Variants in DYSF observed in about 807,000 individuals in gnomAD.
The protein encoded by DYSF is dysferlin.
A neutral mutation model predicts 274.9 loss-of-function variants in DYSF; 212 were observed. That is an observed-to-expected ratio of 0.77 (90% CI 0.69 to 0.86). The LOEUF (loss-of-function observed/expected upper bound fraction) is 0.86. Among genes scored for constraint, DYSF ranks in the 40% least tolerant of loss-of-function variants. The probability of loss-of-function intolerance (pLI) is 0.00; values close to 1 mark genes in which losing one functional copy is unlikely to be tolerated. For missense variants in DYSF, 2,666 were observed against 2,783.2 expected (o/e 0.96, Z 0.95); for synonymous variants, 1,091 against 1,078.7 (o/e 1.01, Z -0.22).
intron 3 of DYSF, among the ~76,000 whole-genome samples, chr2:71,494,039 T>G (rs80064280): frequency 0.025 from 3,812 of 152,276 alleles, 87 homozygotes; most frequent in Non-Finnish European, 0.04. Flanking sequence ...AGAAGTGTTT[T>G]TTGAGTAAGG....
intron 24 of DYSF, among the ~76,000 whole-genome samples, chr2:71,566,212 G>T (rs2092093859): frequency 6.6e-6 from 1 of 150,564 alleles, no homozygotes; most frequent in African/African-American, 2.4e-5. Flanking sequence ...AAGGCGGTCT[G>T]CGAGAGTGGC....
rs370866476 is a variant in DYSF, at chr2:71,667,447, C to T, written c.5389C>T (p.Gln1797Ter). 2.5e-6 allele frequency: 4 copies of T among 1,614,130 alleles called. No individual in the cohort carries two copies. In the Admixed American group the frequency reaches 5.0e-5, roughly 20 times the overall value. ...ERLALHVLQQ[Q>*]GLVPEHVESR... ...TCTGGCTCTGCATGTGCTTCAGCAG[C>T]AGGGCCTGGTCCCGGAGCACGTGGA... The change falls in exon 48 of 56, where the codon CAG becomes TAG. Residue 1797 changes from glutamine (Q) to a stop codon, truncating the protein, a stop_gained. Transcript: ENST00000410020. LOFTEE classifies it high-confidence loss of function.
At chr2:71,526,019 A>C (rs578046176) in intron 12 of DYSF, among the ~76,000 whole-genome samples, 100 of 152,310 alleles carry the variant, frequency 6.6e-4, no homozygotes, top group African/African-American at 2.3e-3. Flanking sequence ...GGTCAGTATC[A>C]TGGTCTCTGC....
chr2:71,481,580 TG>T (rs1355299264), intron 2 of DYSF, among the ~76,000 whole-genome samples: 2 of 152,230 alleles, frequency 1.3e-5, no homozygotes, highest in Non-Finnish European at 2.9e-5. Flanking sequence ...CTTGGCTTCC[TG>T]GGGATGGGTT....
intron 26 of DYSF, among the ~76,000 whole-genome samples, chr2:71,568,904 G>A (rs112085349): frequency 4.4e-4 from 66 of 148,548 alleles, no homozygotes; most frequent in African/African-American, 1.6e-3. Context: ...ACGGAGTCTC[G>A]CTCGGTCGCC....
At chr2:71,671,255 A>G (rs760002659) in intron 51 of DYSF, among the ~76,000 whole-genome samples, 1 of 152,214 alleles carries the variant, frequency 6.6e-6, no homozygotes, top group Non-Finnish European at 1.5e-5. Context: ...ATTGAGCAAC[A>G]GGGTTCTGGG....
intron 36 of DYSF, chr2:71,610,945 A>G (rs578189357): frequency 1.8e-5 from 8 of 446,626 alleles, no homozygotes; most frequent in South Asian, 1.6e-4. Context: ...GCAGACCCGG[A>G]GCAGCTCAGG....
Position 71,528,321 on chromosome 2 carries a change from G to A in DYSF, c.1300G>A (p.Val434Met), listed in dbSNP as rs1351603217. 11 of 1,614,002 alleles carry A rather than the reference G, an allele frequency of 6.8e-6. No individual in the cohort carries two copies. In the East Asian group the frequency reaches 1.1e-4, roughly 16 times the overall value. Residue 434 changes from valine to methionine, a missense_variant, in exon 14 of 56, where the codon GTG (valine) becomes ATG (methionine). Around this residue, in one of 3 missense-constraint regions of DYSF, gnomAD observed 794 missense variants for 777.1 expected, o/e 1.02. Transcript: ENST00000410020. Reference protein sequence around the residue: ...PQMDDAVMDNVKQIFGFESNK... With the variant: ...PQMDDAVMDNMKQIFGFESNK... ...AGTGGACGATGCCGTGATGGACAACGTGAAACAGATCTTTGGCTTCGAGAG... is the reference window on the plus strand; with the variant it reads ...AGTGGACGATGCCGTGATGGACAACATGAAACAGATCTTTGGCTTCGAGAG...
At chr2:71,604,647 AG>A (rs1468529762) in intron 36 of DYSF, among the ~76,000 whole-genome samples, 1 of 152,204 alleles carries the variant, frequency 6.6e-6, no homozygotes, top group East Asian at 1.9e-4. Flanking sequence ...GAGACAGGCC[AG>A]TAGGAACGGA....
intron 47 of DYSF, among the ~76,000 whole-genome samples, chr2:71,665,516 A>G (rs1267846920): frequency 6.6e-6 from 1 of 152,192 alleles, no homozygotes; most frequent in East Asian, 1.9e-4. Context: ...ATTAGAGGTC[A>G]GGGCACAGCC....
At position 71,551,064 on chromosome 2, in the gene DYSF, C is replaced by T. The variant is rs1390905887; in HGVS notation, c.1600C>T (p.Pro534Ser). 3 of 1,614,124 alleles carry T rather than the reference C, an allele frequency of 1.9e-6. No homozygotes were observed. The highest frequency in any genetic ancestry group is 2.5e-6 in the Non-Finnish European group (3 of 1,179,994). ...IEVDDYLGFL[P>S]TFGPCYINLY... is the part of the protein sequence containing the mutation. ...AGTGGATGACTACCTGGGCTTCCTC[C>T]CCACTTTTGGGCCCTGCTACATCAA... is the stretch of plus-strand genomic sequence containing the variant. Residue 534 changes from proline to serine, a missense_variant, in exon 18 of 56, where the codon CCC becomes TCC. By Grantham distance (74) the Pro-to-Ser change is moderately conservative. Around this residue, in one of 3 missense-constraint regions of DYSF, gnomAD observed 794 missense variants for 777.1 expected, o/e 1.02. Coordinates refer to ENST00000410020, the MANE Select transcript of DYSF (RefSeq NM_001130987.2).
intron 3 of DYSF, among the ~76,000 whole-genome samples, chr2:71,493,116 T>A (rs949846319): frequency 6.6e-6 from 1 of 152,158 alleles, no homozygotes; most frequent in Non-Finnish European, 1.5e-5. Context: ...CTTGAACTCC[T>A]AGGATCAAGG....
At chr2:71,474,827 A>T (rs751724150) in intron 1 of DYSF, among the ~76,000 whole-genome samples, 1 of 152,206 alleles carries the variant, frequency 6.6e-6, no homozygotes, top group Non-Finnish European at 1.5e-5. Context: ...TCGCTCAGTT[A>T]AGGAAGCCTG....
At position 71,681,125 on chromosome 2, in the gene DYSF, C is replaced by T. The variant is rs1263010956; in HGVS notation, c.6173+15C>T. ...GAGGACCCAAGGTCAGTGCCCAGCC[C>T]CTGAGCCCCAATGCCCACAGGTCTG... On this transcript the variant is annotated intron_variant, in intron 54 of 55. Transcript: ENST00000410020. 3 of 1,611,218 alleles carry T rather than the reference C, an allele frequency of 1.9e-6. No individual in the cohort carries two copies. Among genetic ancestry groups the T allele is most frequent in the Non-Finnish European group, 8.5e-7 (1 of 1,178,166 alleles).
Position 71,520,170 on chromosome 2 carries a change from G to T in DYSF, c.1003-8G>T. The T allele has an allele frequency of 1.2e-6, 2 of 1,614,144 alleles. No individual in the cohort carries two copies. The highest frequency in any genetic ancestry group is 2.7e-5 in the African/African-American group (2 of 75,010). Reference sequence around the variant, plus strand: ...AGTTTGATTTGTGTCTCCTCTCATTGATTGCAGATGGACGTGGGCACCATT... The same window carrying T: ...AGTTTGATTTGTGTCTCCTCTCATTTATTGCAGATGGACGTGGGCACCATT... On this transcript the variant is annotated splice_region_variant and splice_polypyrimidine_tract_variant and intron_variant, in intron 10 of 55. Transcript: ENST00000410020.
chr2:71,598,494 G>A lies in DYSF; in HGVS notation c.3575-70G>A, dbSNP rs77226045. 2.3e-3 allele frequency: 3,631 copies of A among 1,577,494 alleles called. 84 individuals carry two copies. The African/African-American group carries it at 0.044, about 19-fold the overall frequency. ...TGCTCCAGCTTTGTGGCCCCACATG[G>A]CTCTGGAGAAGACATCTCTCAGGGT... On this transcript the variant is annotated intron_variant, in intron 32 of 55. Coordinates refer to ENST00000410020, the MANE Select transcript of DYSF (RefSeq NM_001130987.2).
rs12328124 is a variant in DYSF at position 71,573,892 on chromosome 2, G to A, written c.3229-306G>A. Among the ~76,000 whole-genome samples, 59,705 of 151,554 alleles carry A rather than the reference G, an allele frequency of 0.39. 12,668 individuals carry two copies. Among genetic ancestry groups the A allele is most frequent in the African/African-American group, 0.55 (22,631 of 41,250 alleles). ...GGCTTGAGTGCAGTGGCGCAATCTC[G>A]GCTCACTGCAACCTCCACCTCCCAG... On this transcript the variant is annotated intron_variant, in intron 29 of 55. Transcript: ENST00000410020.
chr2:71,586,225 CG>C, intron 30 of DYSF, among the ~76,000 whole-genome samples: 1 of 152,176 alleles, frequency 6.6e-6, no homozygotes, highest in East Asian at 1.9e-4. Context: ...GAAGTTTGCC[CG>C]GATTGTGAAT....
chr2:71,564,797 G>T (rs1229499420), intron 24 of DYSF, among the ~76,000 whole-genome samples: 1 of 152,232 alleles, frequency 6.6e-6, no homozygotes, highest in Non-Finnish European at 1.5e-5. Flanking sequence ...ACCCATCCCT[G>T]CTCCCTCTTC....
Sources: allele counts gnomAD v4.1 joint callset (sites outside exome capture counted in the v4.1 genomes callset), GRCh38; gene constraint gnomAD v4.1.1; regional missense constraint gnomAD v4.1.1; transcripts MANE v1.5; gene names NCBI Gene and HGNC (gene_info 2026-07-23, HGNC 2026-07-21).